The following OCA2 variants were observed in gnomAD, a reference collection of about 807,000 sequenced individuals.
The protein encoded by OCA2 is OCA2 melanosomal transmembrane protein.
A neutral mutation model predicts 100.2 loss-of-function variants in OCA2; 77 were observed. The ratio of observed to expected loss-of-function variants is 0.77; its 90% CI spans 0.64 to 0.93. The LOEUF (loss-of-function observed/expected upper bound fraction) is 0.93, where lower values mean the gene tolerates loss of function less well. Ranked by LOEUF, OCA2 falls within the 40% of genes least tolerant of loss-of-function variation. The probability of loss-of-function intolerance (pLI) is 0.00; values close to 1 mark genes in which losing one functional copy is unlikely to be tolerated. For missense variants in OCA2, 1,062 were observed against 1,089.1 expected (o/e 0.98, Z 0.35); for synonymous variants, 432 against 439.2 (o/e 0.98, Z 0.21).
intron 23 of OCA2, among the ~76,000 whole-genome samples, chr15:27,772,840 CAAAA>C (rs55814100): frequency 1.6e-5 from 2 of 122,836 alleles, no homozygotes. Flanking sequence ...GACTCTATCT[CAAAA>C]AAAAAAAAAA....
chr15:28,050,317 G>C (rs1047015953), intron 2 of OCA2, among the ~76,000 whole-genome samples: 2 of 152,070 alleles, frequency 1.3e-5, no homozygotes, highest in African/African-American at 4.8e-5. Context: ...ATACCCTCTT[G>C]GGAGGCTGAG....
At chr15:27,848,944 GCTGCCTGGATTGGTGTGAACACAGCCACA>G (rs1369125223) in intron 22 of OCA2, among the ~76,000 whole-genome samples, 45 of 152,210 alleles carry the variant, frequency 3.0e-4, no homozygotes, top group African/African-American at 6.5e-4. Flanking sequence ...ACAGCCACAT[GCTGCCTGGATTGGTGTGAACACAGCCACA>G]TGCTGCCTGG....
At chr15:27,787,059 C>T (rs1284530731) in intron 23 of OCA2, among the ~76,000 whole-genome samples, 1 of 151,904 alleles carries the variant, frequency 6.6e-6, no homozygotes, top group African/African-American at 2.4e-5. Context: ...GTTTTTTGCC[C>T]TTTATGCTAT....
intron 18 of OCA2, among the ~76,000 whole-genome samples, chr15:27,940,001 C>T (rs2140486513): frequency 6.6e-6 from 1 of 152,292 alleles, no homozygotes; most frequent in South Asian, 2.1e-4. Flanking sequence ...GAGAGGCGGG[C>T]CACAGAGCAG....
In OCA2 at chr15:27,798,123, T is replaced by G. The variant is rs189277533; in HGVS notation, c.2433-42651A>C. 2.2e-3 allele frequency among the ~76,000 whole-genome samples: 335 copies of G among 152,302 alleles called. 2 individuals are homozygous for G. Among genetic ancestry groups the G allele is most frequent in the African/African-American group, 7.6e-3 (315 of 41,558 alleles). On this transcript the variant is annotated intron_variant, in intron 23 of 23. Transcript: ENST00000354638. ...AGCAAACATTTTGATTTAAATTATT[T>G]ATTAGTCAGGTTAAGAAAAGAAGAT... is the stretch of plus-strand genomic sequence containing the variant.
At chr15:28,077,055 A>T (rs533450656) in intron 2 of OCA2, among the ~76,000 whole-genome samples, 2 of 151,408 alleles carry the variant, frequency 1.3e-5, no homozygotes, top group Admixed American at 1.3e-4. Flanking sequence ...CTCTGTGCTT[A>T]ATTTGTTTTT....
chr15:27,935,566 C>T (rs942127458), intron 18 of OCA2, among the ~76,000 whole-genome samples: 4 of 152,178 alleles, frequency 2.6e-5, no homozygotes, highest in African/African-American at 9.7e-5. Context: ...CTGAGGCTCC[C>T]GAAGATGGAC....
intron 1 of OCA2, among the ~76,000 whole-genome samples, chr15:28,082,884 G>A (rs1448744715): frequency 6.6e-6 from 1 of 152,112 alleles, no homozygotes; most frequent in Non-Finnish European, 1.5e-5. Flanking sequence ...TACCTCTAAA[G>A]TAATGCTGTC....
At chr15:27,893,334 AT>A (rs1359371640) in intron 19 of OCA2, among the ~76,000 whole-genome samples, 3 of 152,208 alleles carry the variant, frequency 2.0e-5, no homozygotes, top group Non-Finnish European at 4.4e-5. Context: ...GTACAAATTG[AT>A]TGTAAAACAC....
intron 9 of OCA2, among the ~76,000 whole-genome samples, chr15:28,010,966 C>T (rs2042223056): frequency 1.3e-5 from 2 of 152,184 alleles, no homozygotes; most frequent in Non-Finnish European, 2.9e-5. Context: ...TAGTGTGGTA[C>T]TGGTAGAGGA....
At chr15:27,726,593 G>T in the OCA2 span, among the ~76,000 whole-genome samples, 1 of 152,176 alleles carries the variant, frequency 6.6e-6, no homozygotes, top group Non-Finnish European at 1.5e-5. Flanking sequence ...GTGTGATGGG[G>T]TTGGGACAGC....
chr15:27,768,886 C>G (rs1005225055), intron 23 of OCA2, among the ~76,000 whole-genome samples: 4 of 152,230 alleles, frequency 2.6e-5, no homozygotes. Context: ...GAGCCAGTTG[C>G]TTCCTCCCGT....
At chr15:27,765,158 G>A (rs1374338267) in intron 23 of OCA2, among the ~76,000 whole-genome samples, 6 of 152,042 alleles carry the variant, frequency 3.9e-5, no homozygotes, top group Non-Finnish European at 7.4e-5. Flanking sequence ...TCTCACGGAC[G>A]CAGGCCTCCA....
At chr15:27,924,929 T>C (rs1010913666) in intron 19 of OCA2, among the ~76,000 whole-genome samples, 4 of 152,116 alleles carry the variant, frequency 2.6e-5, no homozygotes, top group Non-Finnish European at 4.4e-5. Context: ...TAAACAAAAG[T>C]GGGCTGAAGT....
chr15:28,097,500 C>A (rs2045008325), intron 1 of OCA2, among the ~76,000 whole-genome samples: 1 of 152,178 alleles, frequency 6.6e-6, no homozygotes, highest in African/African-American at 2.4e-5. Context: ...AGGCTCTGGG[C>A]TTTCCTCCCC....
chr15:27,803,537 T>C (rs1354133195), intron 23 of OCA2, among the ~76,000 whole-genome samples: 1 of 152,128 alleles, frequency 6.6e-6, no homozygotes, highest in Non-Finnish European at 1.5e-5. Flanking sequence ...AGTAGTCAAG[T>C]TCATAGGGAC....
At chr15:27,794,103 G>A (rs2033215264) in intron 23 of OCA2, among the ~76,000 whole-genome samples, 1 of 152,196 alleles carries the variant, frequency 6.6e-6, no homozygotes, top group South Asian at 2.1e-4. Context: ...GAGAAGATAA[G>A]GTGTGCCAAA....
intron 23 of OCA2, among the ~76,000 whole-genome samples, chr15:27,819,393 G>T (rs1313929501): frequency 6.6e-6 from 1 of 152,226 alleles, no homozygotes; most frequent in Non-Finnish European, 1.5e-5. Context: ...TCAGAGCAGG[G>T]TTACAGTAGT....
At chr15:27,758,879 G>C (rs2030605155) in intron 23 of OCA2, among the ~76,000 whole-genome samples, 2 of 152,148 alleles carry the variant, frequency 1.3e-5, no homozygotes, top group Admixed American at 6.5e-5. Context: ...ATCGGAGAAA[G>C]AGGGCAGGGA....
Sources: gnomAD v4.1 joint callset for allele counts (sites outside exome capture counted in the v4.1 genomes callset) on GRCh38, gnomAD v4.1.1 for gene constraint, MANE v1.5 for transcripts, NCBI Gene and HGNC (gene_info 2026-07-23, HGNC 2026-07-21) for gene names.